UBXN7: variants seen among roughly 807,000 people sequenced by gnomAD.
The protein encoded by UBXN7 is UBX domain protein 7.
Under a neutral mutation model 58.0 loss-of-function variants are expected in UBXN7, and 9 were observed. The observed-to-expected ratio is 0.16, with a 90% CI of 0.09 to 0.27. The LOEUF (loss-of-function observed/expected upper bound fraction) is 0.27, where lower values mean the gene tolerates loss of function less well. Among genes scored for constraint, UBXN7 ranks in the 10% least tolerant of loss-of-function variants. The probability of loss-of-function intolerance (pLI) is 1.00; values close to 1 mark genes in which losing one functional copy is unlikely to be tolerated. For missense variants in UBXN7, 328 were observed against 599.6 expected (o/e 0.55, Z 4.73); for synonymous variants, 208 against 205.0 (o/e 1.01, Z -0.12).
intron 2 of UBXN7, among the ~76,000 whole-genome samples, 176 bp from the exon 3 acceptor site, chr3:196,403,195 T>A (rs1730047365): frequency 6.6e-6 from 1 of 152,186 alleles, no homozygotes; most frequent in Non-Finnish European, 1.5e-5. Context: ...TCTCACTCTG[T>A]CGTCCAGGCT....
intron 5 of UBXN7, among the ~76,000 whole-genome samples, chr3:196,383,440 A>C (rs907888158): frequency 3.2e-4 from 48 of 152,188 alleles, no homozygotes; most frequent in African/African-American, 1.1e-3. Context: ...GCTCTGCAAC[A>C]AGCAGACCTA....
intron 8 of UBXN7, among the ~76,000 whole-genome samples, chr3:196,365,208 G>C (rs1187480787): frequency 7.2e-6 from 1 of 138,436 alleles, no homozygotes; most frequent in East Asian, 2.1e-4. Context: ...TATATTAGAA[G>C]AGAGAAAGGT....
intron 1 of UBXN7, among the ~76,000 whole-genome samples, chr3:196,419,875 TA>T (rs1730625633): frequency 6.6e-6 from 1 of 152,240 alleles, no homozygotes; most frequent in African/African-American, 2.4e-5. Context: ...CAAAGGCAAC[TA>T]AAAGTATTAA....
At chr3:196,420,121 A>G (rs1730632737) in intron 1 of UBXN7, among the ~76,000 whole-genome samples, 1 of 152,206 alleles carries the variant, frequency 6.6e-6, no homozygotes, top group African/African-American at 2.4e-5. Context: ...ATCAGCTGTA[A>G]AGAATTTGGA....
At chr3:196,408,097 CAA>C (rs71621241) in intron 1 of UBXN7, among the ~76,000 whole-genome samples, 38 of 45,230 alleles carry the variant, frequency 8.4e-4, no homozygotes, top group African/African-American at 1.9e-3. Context: ...GACTCTGTCT[CAA>C]AAAAAAAAAA....
intron 5 of UBXN7, among the ~76,000 whole-genome samples, chr3:196,378,579 T>A (rs1233519190): frequency 1.3e-5 from 2 of 152,134 alleles, no homozygotes; most frequent in African/African-American, 4.8e-5. Context: ...TACTTATGAG[T>A]TTTCCAGGAA....
At chr3:196,385,500 C>T (rs1729351002) in intron 5 of UBXN7, among the ~76,000 whole-genome samples, 1 of 151,988 alleles carries the variant, frequency 6.6e-6, no homozygotes, top group Non-Finnish European at 1.5e-5. Flanking sequence ...TGCCCAGCCA[C>T]CCATCGTCTG....
chr3:196,373,797 A>G (rs1319549906), intron 5 of UBXN7, among the ~76,000 whole-genome samples: 1 of 152,140 alleles, frequency 6.6e-6, no homozygotes, highest in Non-Finnish European at 1.5e-5. Flanking sequence ...GCCTCAAATG[A>G]TCCTCCTGCC....
intron 1 of UBXN7, among the ~76,000 whole-genome samples, chr3:196,423,001 G>T (rs1024459428): frequency 6.6e-6 from 1 of 152,206 alleles, no homozygotes; most frequent in African/African-American, 2.4e-5. Context: ...AGACTCAAAA[G>T]GTTACATATT....
rs372502694 is a variant in UBXN7 at position 196,423,424 on chromosome 3, G to A, written c.73+8903C>T. ...CTCTGTGGAGCTGGCCCCCTCATCC[G>A]CTCCAGATTGTGGCCTGGCCACTGT... On this transcript the variant is annotated intron_variant, in intron 1 of 10. Transcript: ENST00000296328. 8.1e-5 allele frequency: 22 copies of A among 272,372 alleles called. No individual in the cohort carries two copies. The East Asian group carries it at 3.0e-3, about 37-fold the overall frequency. The allele number at this position is 272,372 out of a possible 1,614,324, so 16.9% of individuals were successfully genotyped here. A position where few individuals can be genotyped will look rare whatever the true frequency, so the allele number is the denominator to read the frequency against.
Position 196,356,601 on chromosome 3 carries a change from A to G in UBXN7, c.*84T>C, listed in dbSNP as rs1728356073. 6 of 1,490,470 alleles carry G rather than the reference A, an allele frequency of 4.0e-6. No homozygotes were observed. The highest frequency in any genetic ancestry group is 5.4e-6 in the Non-Finnish European group (6 of 1,119,152). 92.3% of individuals were successfully genotyped at this position (1,490,470 alleles called of 1,614,324 possible). A position where few individuals can be genotyped will look rare whatever the true frequency, so the allele number is the denominator to read the frequency against. Reference sequence around the variant, plus strand: ...TGCCCAACTTTGGCTCTGTGGTCCTATGAGCCAAAATGCATACTTAGTGAC... The same window carrying G: ...TGCCCAACTTTGGCTCTGTGGTCCTGTGAGCCAAAATGCATACTTAGTGAC... On this transcript the variant is annotated 3_prime_UTR_variant, in exon 11 of 11. Coordinates refer to ENST00000296328, the MANE Select transcript of UBXN7 (RefSeq NM_015562.2).
chr3:196,417,576 G>A (rs2108622213), intron 1 of UBXN7, among the ~76,000 whole-genome samples: 1 of 151,692 alleles, frequency 6.6e-6, no homozygotes, highest in East Asian at 1.9e-4. Context: ...TTATAAAATG[G>A]GGATTTATCA....
chr3:196,417,723 TTAAAAAAAAAAAAAAAAAAAAA>T (rs1232506511), intron 1 of UBXN7, among the ~76,000 whole-genome samples: 21 of 78,438 alleles, frequency 2.7e-4, no homozygotes, highest in African/African-American at 1.1e-3. Context: ...GGCAAAATGG[TTAAAAAAAAAAAAAAAAAAAAA>T]AAAAAAAAAA....
intron 1 of UBXN7, among the ~76,000 whole-genome samples, chr3:196,424,031 A>G (rs1730771356): frequency 6.6e-6 from 1 of 151,714 alleles, no homozygotes; most frequent in African/African-American, 2.4e-5. Flanking sequence ...CTGGGATTAC[A>G]GGTGCCCACC....
chr3:196,380,526 AG>A (rs1282321050), intron 5 of UBXN7, among the ~76,000 whole-genome samples: 3 of 152,218 alleles, frequency 2.0e-5, no homozygotes, highest in African/African-American at 7.2e-5. Flanking sequence ...ATGGCCAAAT[AG>A]GAGCAGCTGC....
chr3:196,369,882 C>G (rs1250388530), intron 6 of UBXN7, among the ~76,000 whole-genome samples: 1 of 152,010 alleles, frequency 6.6e-6, no homozygotes, highest in Non-Finnish European at 1.5e-5. Flanking sequence ...CCTGTAATCC[C>G]AGCACTTTAG....
At chr3:196,420,872 T>C (rs1730660761) in intron 1 of UBXN7, among the ~76,000 whole-genome samples, 2 of 152,212 alleles carry the variant, frequency 1.3e-5, no homozygotes, top group East Asian at 3.8e-4. Context: ...AGTGATCATC[T>C]CTTCACTACC....
At chr3:196,410,419 T>C (rs887825683) in intron 1 of UBXN7, among the ~76,000 whole-genome samples, 1 of 152,212 alleles carries the variant, frequency 6.6e-6, no homozygotes. Context: ...CCTTAATACT[T>C]ACCTCAATTA....
At chr3:196,363,393 A>G (rs1446157908) in intron 8 of UBXN7, among the ~76,000 whole-genome samples, 1 of 150,718 alleles carries the variant, frequency 6.6e-6, no homozygotes, top group African/African-American at 2.4e-5. Flanking sequence ...CGGGTGGCTC[A>G]TGCCTGTAAT....
Sources: gnomAD v4.1 joint callset for allele counts (sites outside exome capture counted in the v4.1 genomes callset) on GRCh38, gnomAD v4.1.1 for gene constraint, MANE v1.5 for transcripts, NCBI Gene and HGNC (gene_info 2026-07-23, HGNC 2026-07-21) for gene names.